The following PADI4 variants were observed in gnomAD, a reference collection of about 807,000 sequenced individuals.
The protein encoded by PADI4 is peptidyl arginine deiminase 4.
PADI4 carries 62 observed loss-of-function variants against 75.0 expected under a neutral mutation model. The observed-to-expected ratio is 0.83, with a 90% confidence interval of 0.67 to 1.02. The LOEUF is 1.02. Ranked by LOEUF, PADI4 falls within the 50% of genes least tolerant of loss-of-function variation. The pLI is 0.00. For synonymous variants in PADI4, 361 were observed against 348.1 expected (o/e 1.04, Z -0.41); for missense variants, 845 against 850.5 (o/e 0.99, Z 0.08).
At chr1:17,340,407 G>T (rs2074396887) in intron 6 of PADI4, among the ~76,000 whole-genome samples, 1 of 152,180 alleles carries the variant, frequency 6.6e-6, no homozygotes, top group African/African-American at 2.4e-5. Context: ...AGTTCGGGTT[G>T]TGTGGAGAGA....
intron 1 of PADI4, 112 bp downstream of exon 1, chr1:17,308,426 C>A: frequency 2.6e-6 from 2 of 773,400 alleles, no homozygotes; most frequent in South Asian, 1.6e-5. Context: ...CCAGCCTCTG[C>A]AGCCACTGCC....
chr1:17,325,321 C>A (rs2074100406), intron 1 of PADI4, among the ~76,000 whole-genome samples: 1 of 151,956 alleles, frequency 6.6e-6, no homozygotes, highest in Non-Finnish European at 1.5e-5. Flanking sequence ...TAGATTTATC[C>A]TAGGTACTTT....
At position 17,359,303 on chromosome 1, in the gene PADI4, G is replaced by A; in HGVS notation, c.1653G>A (p.Glu551=). ...FVERCIDWNR[E]LLKRELGLAE... ...AGAGATGCATCGACTGGAACCGCGA[G>A]CTGCTGAAGCGGGAGCTGGGCCTGG... The change falls in exon 15 of 16, where the codon GAG becomes GAA. Residue 551 remains glutamate, a synonymous_variant. Coordinates refer to ENST00000375448, the MANE Select transcript of PADI4 (RefSeq NM_012387.3). 1 of 1,590,756 alleles carries A rather than the reference G, an allele frequency of 6.3e-7. No individual in the cohort carries two copies. Among genetic ancestry groups the A allele is most frequent in the South Asian group, 1.1e-5 (1 of 90,724 alleles).
intron 1 of PADI4, among the ~76,000 whole-genome samples, chr1:17,311,122 G>T (rs1251798917): frequency 2.0e-5 from 3 of 151,914 alleles, no homozygotes; most frequent in African/African-American, 7.3e-5. Flanking sequence ...AATTAGATGG[G>T]AGTAGTGGCA....
chr1:17,339,570 A>C, intron 5 of PADI4, 118 bp from the exon 6 acceptor site: 2 of 965,722 alleles, frequency 2.1e-6, no homozygotes, highest in Non-Finnish European at 3.2e-6. Context: ...GCAACATGGT[A>C]AAGGGAGGTC....
chr1:17,355,279 C>T (rs2074740488), intron 11 of PADI4, among the ~76,000 whole-genome samples: 1 of 152,194 alleles, frequency 6.6e-6, no homozygotes, highest in Admixed American at 6.5e-5. Flanking sequence ...AGGCTGGGCA[C>T]AGTGGCTCAC....
intron 2 of PADI4, among the ~76,000 whole-genome samples, chr1:17,333,360 C>T (rs1010960294): frequency 6.6e-6 from 1 of 152,020 alleles, no homozygotes; most frequent in Non-Finnish European, 1.5e-5. Flanking sequence ...TCCCCACCGC[C>T]ATTTTGCTTG....
chr1:17,346,261 A>T lies in PADI4; in HGVS notation c.1047+122A>T, dbSNP rs2074514884. The T allele has an allele frequency of 1.6e-6, 1 of 633,186 alleles. No homozygotes were observed. Among genetic ancestry groups the T allele is most frequent in the Non-Finnish European group, 2.8e-6 (1 of 352,210 alleles). 39.2% of individuals were successfully genotyped at this position (633,186 alleles called of 1,614,324 possible). On this transcript the variant is annotated intron_variant, in intron 9 of 15. Coordinates refer to ENST00000375448, the MANE Select transcript of PADI4 (RefSeq NM_012387.3). The surrounding 1 kb of genome is among the most constrained non-coding windows in gnomAD (Gnocchi z 4.3). The stretch of plus-strand genomic sequence containing the variant: ...GCCACTCTTCCTTAGATGGACAGGG[A>T]GATAGGAACCTGAGAGATCCTTGGG...
chr1:17,355,442 G>A (rs538617100), intron 11 of PADI4, among the ~76,000 whole-genome samples: 9 of 152,168 alleles, frequency 5.9e-5, no homozygotes, highest in Admixed American at 3.9e-4. Context: ...CCAGCTACTC[G>A]GGAGGCCGAG....
chr1:17,324,835 A>T (rs1266266900), intron 1 of PADI4, among the ~76,000 whole-genome samples: 2 of 152,166 alleles, frequency 1.3e-5, no homozygotes, highest in African/African-American at 2.4e-5. Context: ...TTATTTTTCC[A>T]ATTTAGTATT....
intron 1 of PADI4, among the ~76,000 whole-genome samples, chr1:17,327,280 C>A (rs536783810): frequency 6.6e-6 from 1 of 152,236 alleles, no homozygotes; most frequent in African/African-American, 2.4e-5. Context: ...AACCGTATAT[C>A]ATTAGGTTGT....
chr1:17,356,527 G>A lies in PADI4; in HGVS notation c.1558+68G>A, dbSNP rs2074763542. ...GCTTCCCATAGTCCGCTGTTGCCTG[G>A]AGGGAATCATCCAGGCAATAGGGTA... On this transcript the variant is annotated intron_variant, in intron 13 of 15. Coordinates refer to ENST00000375448, the MANE Select transcript of PADI4 (RefSeq NM_012387.3). This position sits in a 1 kb window ranked among gnomAD's most constrained non-coding sequence, Gnocchi z 4.1. 4.2e-6 allele frequency: 4 copies of A among 944,282 alleles called. No individual in the cohort carries two copies. In the South Asian group the frequency reaches 5.8e-5, roughly 14 times the overall value. 58.5% of individuals were successfully genotyped at this position (944,282 alleles called of 1,614,324 possible). A position where few individuals can be genotyped will look rare whatever the true frequency, so the allele number is the denominator to read the frequency against.
At chr1:17,355,138 A>C (rs796868153) in intron 11 of PADI4, among the ~76,000 whole-genome samples, 2 of 152,196 alleles carry the variant, frequency 1.3e-5, no homozygotes, top group South Asian at 4.1e-4. Flanking sequence ...CTAATGACAG[A>C]AGGGACAGGG....
intron 10 of PADI4, among the ~76,000 whole-genome samples, chr1:17,349,644 G>A (rs2074583934): frequency 6.6e-6 from 1 of 150,510 alleles, no homozygotes; most frequent in African/African-American, 2.4e-5. Context: ...GGCAGAGGTT[G>A]CAGTGAGCCG....
intron 2 of PADI4, among the ~76,000 whole-genome samples, chr1:17,332,730 C>T (rs1000287182): frequency 6.6e-6 from 1 of 152,220 alleles, no homozygotes; most frequent in Non-Finnish European, 1.5e-5. Context: ...TCTGGGCCAA[C>T]AGCCACTTAT....
rs569522707 is a variant in PADI4 at position 17,355,930 on chromosome 1, A to T, written c.1311-53A>T. 6 of 1,608,592 alleles carry T rather than the reference A, an allele frequency of 3.7e-6. No individual in the cohort carries two copies. In the African/African-American group the frequency reaches 6.7e-5, roughly 18 times the overall value. On this transcript the variant is annotated intron_variant, in intron 11 of 15. Coordinates refer to ENST00000375448, the MANE Select transcript of PADI4 (RefSeq NM_012387.3). ...TTGCCAAGCCCCTTGTCCTTCAGGG[A>T]CTTCCCTGTAGCCCTTGCTGCCGAT... is the stretch of plus-strand genomic sequence containing the variant.
intron 10 of PADI4, 128 bp downstream of exon 10, chr1:17,348,176 T>C: frequency 1.8e-6 from 1 of 547,224 alleles, no homozygotes; most frequent in Non-Finnish European, 3.3e-6. Flanking sequence ...GTGGAATTCC[T>C]ACCAAAGTGG....
chr1:17,334,594 C>T (rs1477454942), intron 3 of PADI4: 10 of 456,044 alleles, frequency 2.2e-5, no homozygotes, highest in Non-Finnish European at 4.4e-5. Flanking sequence ...TGAACCACTG[C>T]GCCAGGCCCT....
rs550449224 is a variant in PADI4 at position 17,346,358 on chromosome 1, A to T, written c.1047+219A>T. Reference sequence around the variant, plus strand: ...CTGCAGGCCCACTGCAGTCACCAAGATGAAGCCACCTTCCTGCTTGAAAAC... The same window carrying T: ...CTGCAGGCCCACTGCAGTCACCAAGTTGAAGCCACCTTCCTGCTTGAAAAC... On this transcript the variant is annotated intron_variant, in intron 9 of 15. Transcript: ENST00000375448. This position sits in a 1 kb window ranked among gnomAD's most constrained non-coding sequence, Gnocchi z 4.3. Among the ~76,000 whole-genome samples the T allele has an allele frequency of 2.2e-4, 34 of 152,296 alleles. No homozygotes were observed. Among genetic ancestry groups the T allele is most frequent in the Non-Finnish European group, 3.4e-4 (23 of 68,014 alleles).
Sources: allele counts gnomAD v4.1 joint callset (sites outside exome capture counted in the v4.1 genomes callset), GRCh38; gene constraint gnomAD v4.1.1; non-coding constraint Gnocchi (gnomAD v3.1); transcripts MANE v1.5; gene names NCBI Gene and HGNC (gene_info 2026-07-23, HGNC 2026-07-21).